The following NCOR1 variants were observed in gnomAD, a reference collection of about 807,000 sequenced individuals.
NCOR1 encodes nuclear receptor corepressor 1, also known as protein phosphatase 1, regulatory subunit 109.
A neutral mutation model predicts 288.1 loss-of-function variants in NCOR1; 63 were observed. The observed-to-expected ratio is 0.22, with a 90% CI of 0.18 to 0.27. The LOEUF is 0.27. Ranked by LOEUF, NCOR1 falls within the 10% of genes least tolerant of loss-of-function variation. The pLI, the probability that NCOR1 is intolerant of heterozygous loss-of-function variation, is 1.00. For synonymous variants in NCOR1, 1,007 were observed against 1,065.9 expected, an observed-to-expected ratio of 0.94 and a Z score of 1.08; for missense variants, 2,397 against 3,019.2, an observed-to-expected ratio of 0.79 and a Z score of 4.83.
intron 27 of NCOR1, 69 bp downstream of exon 27, chr17:16,075,465 G>T: frequency 6.5e-7 from 1 of 1,533,248 alleles, no homozygotes. Context: ...CAGAAATGCG[G>T]GAAAACCCAA....
intron 21 of NCOR1, among the ~76,000 whole-genome samples, chr17:16,094,129 C>T (rs2065905506): frequency 6.6e-6 from 1 of 151,954 alleles, no homozygotes; most frequent in African/African-American, 2.4e-5. Context: ...TCTTGGAACT[C>T]CTGCGGTCAA....
chr17:16,070,130 A>G (rs1352080614), intron 31 of NCOR1, 35 bp downstream of exon 31: 1 of 1,531,922 alleles, frequency 6.5e-7, no homozygotes, highest in Non-Finnish European at 8.7e-7. Context: ...TAAATGCAAT[A>G]AAAAGTATCA....
At chr17:16,118,405 T>C (rs1598884804) in intron 17 of NCOR1, among the ~76,000 whole-genome samples, 1 of 152,172 alleles carries the variant, frequency 6.6e-6, no homozygotes, top group Non-Finnish European at 1.5e-5. Flanking sequence ...TAATCATATA[T>C]AAATGATAAA....
chr17:16,064,797 C>T, intron 34 of NCOR1, 73 bp downstream of exon 34: 1 of 1,399,312 alleles, frequency 7.1e-7, no homozygotes, highest in Non-Finnish European at 9.5e-7. Flanking sequence ...GCCCAAGATA[C>T]CTTAAAAGGC....
Position 16,061,567 on chromosome 17 carries a change from T to C in NCOR1, c.5715A>G (p.Lys1905=), listed in dbSNP as rs757771930. ...HSSVVYSEAG[K]DKGPPPKSRY... Reference sequence around the variant, plus strand: ...TGGATTTTGGAGGAGGCCCTTTATCTTTCCCAGCCTCAGAATAAACTACTG... The same window carrying C: ...TGGATTTTGGAGGAGGCCCTTTATCCTTCCCAGCCTCAGAATAAACTACTG... The change falls in exon 37 of 46, where the codon AAA becomes AAG. Residue 1905 remains lysine (K), a synonymous_variant. Coordinates refer to ENST00000268712, the MANE Select transcript of NCOR1 (RefSeq NM_006311.4). 5.6e-6 allele frequency: 9 copies of C among 1,614,210 alleles called. No individual in the cohort carries two copies. Among genetic ancestry groups the C allele is most frequent in the Non-Finnish European group, 7.6e-6 (9 of 1,180,038 alleles).
At chr17:16,086,487 A>AGT (rs2064249335) in intron 22 of NCOR1, 45 bp from the exon 23 acceptor site, 2 of 1,538,556 alleles carry the variant, frequency 1.3e-6, no homozygotes, top group East Asian at 4.5e-5. Context: ...TCCATTTCCT[A>AGT]GTTTACAACA....
rs749903810 is a variant in NCOR1, at chr17:16,171,972, T to C, written c.266A>G (p.Tyr89Cys). 1.3e-6 allele frequency: 2 copies of C among 1,583,048 alleles called. No homozygotes were observed. The highest frequency in any genetic ancestry group is 1.7e-6 in the Non-Finnish European group (2 of 1,167,216). The change falls in exon 4 of 46, where the codon TAT becomes TGT. Residue 89 changes from tyrosine (Y) to cysteine (C), a missense_variant. Physicochemically the swap from Tyr to Cys is radical, Grantham distance 194. Coordinates refer to ENST00000268712, the MANE Select transcript of NCOR1 (RefSeq NM_006311.4). ...SDRPQERRTSYEPFHPGPSPV... is the reference protein window; with the variant it reads ...SDRPQERRTSCEPFHPGPSPV... Reference sequence around the variant, plus strand: ...GGATGGGCCTGGATGAAACGGTTCATAACTAGTTCTCCTTTCTTGAGGCCT... The same window carrying C: ...GGATGGGCCTGGATGAAACGGTTCACAACTAGTTCTCCTTTCTTGAGGCCT...
At chr17:16,059,865 A>G (rs1314329533) in intron 37 of NCOR1, among the ~76,000 whole-genome samples, 2 of 152,198 alleles carry the variant, frequency 1.3e-5, no homozygotes, top group Admixed American at 6.5e-5. Context: ...GGGTTCTAGT[A>G]CACTTAGGAG....
chr17:16,114,270 A>G (rs2071080776), intron 18 of NCOR1, among the ~76,000 whole-genome samples: 1 of 151,850 alleles, frequency 6.6e-6, no homozygotes, highest in African/African-American at 2.4e-5. Context: ...TGATTCAATT[A>G]TCTCCCACTG....
rs753350602 is a variant in NCOR1, at chr17:16,101,729, A to T, written c.2211T>A (p.Ser737Arg). 1.1e-5 allele frequency: 18 copies of T among 1,614,180 alleles called. No homozygotes were observed. The South Asian group carries it at 2.0e-4, about 18-fold the overall frequency. The change falls in exon 20 of 46, where the codon AGT becomes AGA. Residue 737 changes from serine to arginine, a missense_variant. Physicochemically the swap from Ser to Arg is moderately radical, Grantham distance 110 (BLOSUM62 -1). This residue lies in a region of NCOR1 where 1,872 missense variants were observed against 2,187.8 expected (regional missense o/e 0.86). Coordinates refer to ENST00000268712, the MANE Select transcript of NCOR1 (RefSeq NM_006311.4). ...EVEAVKPSEDSPENATSRGNT... is the reference protein window; with the variant it reads ...EVEAVKPSEDRPENATSRGNT... The stretch of plus-strand genomic sequence containing the variant: ...TTCCTCGAGAAGTAGCATTTTCAGG[A>T]CTGTCCTCGCTGGGCTTGACAGCTT...
chr17:16,059,281 C>T (rs996806334), intron 37 of NCOR1, among the ~76,000 whole-genome samples: 5 of 152,020 alleles, frequency 3.3e-5, no homozygotes, highest in Admixed American at 3.3e-4. Flanking sequence ...AACGCTGAGG[C>T]TATAAAGCTG....
chr17:16,159,819 C>A (rs1187482007), intron 5 of NCOR1, among the ~76,000 whole-genome samples: 1 of 151,610 alleles, frequency 6.6e-6, no homozygotes, highest in Non-Finnish European at 1.5e-5. Context: ...TCCTAGGAAC[C>A]TTTCTGGGTC....
At chr17:16,058,128 A>T (rs1223448340) in intron 38 of NCOR1, 64 bp from the exon 39 acceptor site, 1 of 1,533,510 alleles carries the variant, frequency 6.5e-7, no homozygotes, top group Middle Eastern at 1.9e-4. Context: ...ATTATCAAAG[A>T]TTAAATATAA....
chr17:16,141,692 G>A (rs1352840707), intron 11 of NCOR1, among the ~76,000 whole-genome samples: 1 of 152,148 alleles, frequency 6.6e-6, no homozygotes, highest in African/African-American at 2.4e-5. Flanking sequence ...TGTCTCACAA[G>A]TAATTTTTCA....
chr17:16,095,552 CCCGCCCGGCCAG>C (rs2066367959), intron 21 of NCOR1, among the ~76,000 whole-genome samples: 1 of 133,596 alleles, frequency 7.5e-6, no homozygotes, highest in African/African-American at 2.8e-5. Flanking sequence ...GGGTCAGCCC[CCCGCCCGGCCAG>C]CCGCCCCGTA....
chr17:16,061,531 T>C lies in NCOR1; in HGVS notation c.5751A>G (p.Glu1917=). The C allele has an allele frequency of 1.2e-6, 2 of 1,614,238 alleles. No homozygotes were observed. Among genetic ancestry groups the C allele is most frequent in the African/African-American group, 1.3e-5 (1 of 75,064 alleles). The change falls in exon 37 of 46, where the codon GAA becomes GAG. Residue 1917 remains glutamate (E), a synonymous_variant. Coordinates refer to ENST00000268712, the MANE Select transcript of NCOR1 (RefSeq NM_006311.4). ...KGPPPKSRYE[E]ELRTRGKTTI... ...TAGTCTTCCCTCTGGTCCTTAGCTC[T>C]TCCTCATATCTGGATTTTGGAGGAG...
At chr17:16,196,365 C>T (rs1158210594) in intron 1 of NCOR1, among the ~76,000 whole-genome samples, 1 of 151,982 alleles carries the variant, frequency 6.6e-6, no homozygotes, top group African/African-American at 2.4e-5. Context: ...GTCATTCAAT[C>T]TAACTTTAAA....
At chr17:16,092,106 T>C (rs567406497) in intron 21 of NCOR1, 48 bp from the exon 22 acceptor site, 4 of 1,589,154 alleles carry the variant, frequency 2.5e-6, no homozygotes, top group Admixed American at 1.7e-5. Context: ...AATGTAATAA[T>C]TGCCATCTCT....
rs1322995086 is a variant in NCOR1, at chr17:16,070,413, A to G, written c.4265T>C (p.Ile1422Thr). The G allele has an allele frequency of 1.2e-6, 2 of 1,614,128 alleles. No homozygotes were observed. Among genetic ancestry groups the G allele is most frequent in the South Asian group, 2.2e-5 (2 of 91,088 alleles). Residue 1422 changes from isoleucine (I) to threonine (T), a missense_variant, in exon 31 of 46, where the codon ATT becomes ACT. This residue lies in a region of NCOR1 where 1,872 missense variants were observed against 2,187.8 expected (regional missense o/e 0.86). Transcript: ENST00000268712. ...TACCACTTTTATGTTCTCTGGCACAATTTCCAGCGGAGGCATTCCACGGGA... is the reference window on the plus strand; with the variant it reads ...TACCACTTTTATGTTCTCTGGCACAGTTTCCAGCGGAGGCATTCCACGGGA... ...KLSRGMPPLE[I>T]VPENIKVVER...
Sources: gnomAD v4.1 joint callset for allele counts (sites outside exome capture counted in the v4.1 genomes callset) on GRCh38, gnomAD v4.1.1 for gene constraint, gnomAD v4.1.1 regional missense constraint, MANE v1.5 for transcripts, NCBI Gene and HGNC (gene_info 2026-07-23, HGNC 2026-07-21) for gene names.